UGT1A8: variants seen among roughly 807,000 people sequenced by gnomAD.
The protein encoded by UGT1A8 is UDP-glucuronosyltransferase 1A8.
A neutral mutation model predicts 45.3 loss-of-function variants in UGT1A8; 39 were observed. The observed-to-expected ratio is 0.86, with a 90% CI of 0.67 to 1.12. The LOEUF (loss-of-function observed/expected upper bound fraction) is 1.12, where lower values mean the gene tolerates loss of function less well. UGT1A8 is among the 50% of genes most tolerant of loss of function. The probability of loss-of-function intolerance (pLI) is 0.00; values close to 1 mark genes in which losing one functional copy is unlikely to be tolerated. For missense variants in UGT1A8, 719 were observed against 664.9 expected, an observed-to-expected ratio of 1.08 and a Z score of -0.90; for synonymous variants, 275 against 249.2, an observed-to-expected ratio of 1.10 and a Z score of -0.97.
chr2:233,638,067 G>A (rs1014566299), intron 1 of UGT1A8, among the ~76,000 whole-genome samples: 4 of 151,984 alleles, frequency 2.6e-5, no homozygotes, highest in African/African-American at 9.7e-5. Flanking sequence ...CTATATTCTT[G>A]CTTTTATCTT....
At chr2:233,713,889 T>A (rs769338020) in intron 1 of UGT1A8, 2 of 1,613,388 alleles carry the variant, frequency 1.2e-6, no homozygotes, top group South Asian at 2.2e-5. Context: ...CCAATCAATG[T>A]TCCAGGCAAA....
chr2:233,733,665 C>A (rs572113839), intron 1 of UGT1A8, among the ~76,000 whole-genome samples: 1 of 152,162 alleles, frequency 6.6e-6, no homozygotes, highest in Non-Finnish European at 1.5e-5. Context: ...CCGACTTGAT[C>A]GATGTGGATA....
chr2:233,754,393 T>C (rs1161428077), intron 1 of UGT1A8: 1 of 317,382 alleles, frequency 3.2e-6, no homozygotes, highest in South Asian at 2.8e-5. Context: ...AGAGGTCCTA[T>C]CCGTGCAGTC....
chr2:233,669,403 A>G (rs1326457972), intron 1 of UGT1A8, among the ~76,000 whole-genome samples: 6 of 152,244 alleles, frequency 3.9e-5, no homozygotes, highest in Non-Finnish European at 8.8e-5. Context: ...AGATCAACTA[A>G]GGAAAAATAA....
At chr2:233,704,337 A>G (rs2075781875) in intron 1 of UGT1A8, among the ~76,000 whole-genome samples, 1 of 144,470 alleles carries the variant, frequency 6.9e-6, no homozygotes. Flanking sequence ...CCACTATTTA[A>G]AAAGTTGTGT....
At position 233,658,974 on chromosome 2, in the gene UGT1A8, C is replaced by CA. The variant is rs576441547; in HGVS notation, c.855+40420dup. On this transcript the variant is annotated intron_variant, in intron 1 of 4. Transcript: ENST00000373450. Reference sequence around the variant, plus strand: ...TTTAGAGTCAGTTTGCCAATTTGCACAAAAAAAAGCCTGTTGGGATTTTGG... The same window carrying CA: ...TTTAGAGTCAGTTTGCCAATTTGCACAAAAAAAAAGCCTGTTGGGATTTTGG... Among the ~76,000 whole-genome samples, 42 of 151,698 alleles carry CA rather than the reference C, an allele frequency of 2.8e-4. 1 individual carries two copies. In the South Asian group the frequency reaches 6.7e-3, roughly 24 times the overall value.
At chr2:233,696,554 T>C (rs2075349375) in intron 1 of UGT1A8, among the ~76,000 whole-genome samples, 1 of 152,236 alleles carries the variant, frequency 6.6e-6, no homozygotes, top group African/African-American at 2.4e-5. Context: ...GAATATATTA[T>C]GTCATCTGAG....
intron 1 of UGT1A8, among the ~76,000 whole-genome samples, chr2:233,749,208 CA>C (rs1559394087): frequency 6.6e-6 from 1 of 151,746 alleles, no homozygotes; most frequent in Non-Finnish European, 1.5e-5. Flanking sequence ...GTATTATTGC[CA>C]AACACTCTAA....
intron 1 of UGT1A8, among the ~76,000 whole-genome samples, chr2:233,664,278 C>T (rs903836536): frequency 6.6e-6 from 1 of 152,200 alleles, no homozygotes; most frequent in African/African-American, 2.4e-5. Context: ...CTGTCTTCTT[C>T]TGAGCCCTCC....
chr2:233,683,553 C>T (rs989486799), intron 1 of UGT1A8, among the ~76,000 whole-genome samples: 1 of 152,058 alleles, frequency 6.6e-6, no homozygotes, highest in Admixed American at 6.6e-5. Context: ...TGAGATTGGC[C>T]TTCTTTTGCT....
At chr2:233,666,895 C>A (rs1259232077) in intron 1 of UGT1A8, among the ~76,000 whole-genome samples, 8 of 150,138 alleles carry the variant, frequency 5.3e-5, no homozygotes, top group South Asian at 4.3e-4. Flanking sequence ...TGAGAACATG[C>A]GGTGTTTGGT....
intron 1 of UGT1A8, among the ~76,000 whole-genome samples, chr2:233,737,465 G>A (rs1434915889): frequency 6.6e-6 from 1 of 152,178 alleles, no homozygotes; most frequent in African/African-American, 2.4e-5. Context: ...AGTCTGTCAT[G>A]GCTCCCCTTG....
intron 1 of UGT1A8, among the ~76,000 whole-genome samples, chr2:233,733,535 T>G (rs1019669539): frequency 5.4e-4 from 82 of 152,358 alleles, no homozygotes; most frequent in Non-Finnish European, 5.9e-5. Flanking sequence ...TTAATTTTGT[T>G]GAAGGCCTTT....
At chr2:233,639,019 C>T (rs991489168) in intron 1 of UGT1A8, among the ~76,000 whole-genome samples, 4 of 152,144 alleles carry the variant, frequency 2.6e-5, no homozygotes, top group Non-Finnish European at 4.4e-5. Context: ...AGCCTTCGGC[C>T]GAGTTGAGGA....
chr2:233,693,783 T>C (rs1575450823), intron 1 of UGT1A8: 1 of 1,614,230 alleles, frequency 6.2e-7, no homozygotes, highest in Admixed American at 1.7e-5. Context: ...TATGACTTTG[T>C]GCTTGAATAT....
Position 233,769,600 on chromosome 2 carries a change from G to C in UGT1A8, c.1295+1161G>C. ...GTTCAGATGAGAGGAGACGGAACAC[G>C]GGGACACACCAGCTTGAGCAAGGGA... is the stretch of plus-strand genomic sequence containing the variant. On this transcript the variant is annotated intron_variant, in intron 4 of 4. Coordinates refer to ENST00000373450, the MANE Select transcript of UGT1A8 (RefSeq NM_019076.5). The surrounding 1 kb of genome is among the most constrained non-coding windows in gnomAD (Gnocchi z 4.4). 6.2e-7 allele frequency: 1 copy of C among 1,612,786 alleles called. No individual in the cohort carries two copies. Among genetic ancestry groups the C allele is most frequent in the Non-Finnish European group, 8.5e-7 (1 of 1,179,854 alleles).
intron 1 of UGT1A8, among the ~76,000 whole-genome samples, chr2:233,744,866 G>A (rs1299036461): frequency 1.3e-4 from 20 of 151,914 alleles, no homozygotes; most frequent in Non-Finnish European, 1.5e-4. Context: ...TATTCTGAAG[G>A]GATTAGTTTA....
At chr2:233,754,978 C>T (rs1695669392) in intron 1 of UGT1A8, 1 of 1,298,496 alleles carries the variant, frequency 7.7e-7, no homozygotes, top group South Asian at 1.2e-5. Flanking sequence ...CTGAAGACCT[C>T]GGCGGGGTCA....
intron 1 of UGT1A8, among the ~76,000 whole-genome samples, chr2:233,671,573 CA>C (rs897589479): frequency 4.6e-5 from 7 of 151,778 alleles, no homozygotes; most frequent in African/African-American, 1.2e-4. Flanking sequence ...GGACAAATTC[CA>C]AAAAAAATTA....
Sources: allele counts gnomAD v4.1 joint callset (sites outside exome capture counted in the v4.1 genomes callset), GRCh38; gene constraint gnomAD v4.1.1; non-coding constraint Gnocchi (gnomAD v3.1); transcripts MANE v1.5; gene names NCBI Gene and HGNC (gene_info 2026-07-23, HGNC 2026-07-21).